The following RAET1E variants were observed in gnomAD, a reference collection of about 807,000 sequenced individuals.
RAET1E encodes NKG2D ligand 4.
Under a neutral mutation model 21.1 loss-of-function variants are expected in RAET1E, and 27 were observed. The observed-to-expected ratio is 1.28, with a 90% confidence interval of 0.94 to 1.76. The LOEUF (loss-of-function observed/expected upper bound fraction) is 1.76, where lower values mean the gene tolerates loss of function less well. Among genes scored for constraint, RAET1E ranks in the 40% most tolerant of loss-of-function variants. The pLI, the probability that RAET1E is intolerant of heterozygous loss-of-function variation, is 0.00. For missense variants in RAET1E, 310 were observed against 311.3 expected, an observed-to-expected ratio of 1.00 and a Z score of 0.03; for synonymous variants, 113 against 115.0, an observed-to-expected ratio of 0.98 and a Z score of 0.11.
rs1013507361 is a variant in RAET1E at position 149,886,646 on chromosome 6, T to C, written c.*1852A>G. On this transcript the variant is annotated 3_prime_UTR_variant, in exon 6 of 6. Transcript: ENST00000357183. ...CTGACCTCAAATGATCCACCCAACT[T>C]GGCCTCCCAAAGTGCTGGGATTACA... Among the ~76,000 whole-genome samples, 1 of 152,196 alleles carries C rather than the reference T, an allele frequency of 6.6e-6. No homozygotes were observed. Among genetic ancestry groups the C allele is most frequent in the African/African-American group, 2.4e-5 (1 of 41,452 alleles).
intron 5 of RAET1E, 126 bp from the exon 6 acceptor site, chr6:149,888,793 C>T (rs1777741775): frequency 7.3e-7 from 1 of 1,363,668 alleles, no homozygotes; most frequent in Non-Finnish European, 9.7e-7. Context: ...TAATCACTGG[C>T]TCATGTGACA....
In RAET1E at chr6:149,890,022, ATGT is replaced by A. The variant is rs772668116; in HGVS notation, c.206_208del (p.Asn69del). The A allele has an allele frequency of 6.2e-7, 1 of 1,614,092 alleles. No homozygotes were observed. Among genetic ancestry groups the A allele is most frequent in the African/African-American group, 1.3e-5 (1 of 74,998 alleles). On this transcript the variant is annotated inframe_deletion, in exon 4 of 6. Transcript: ENST00000357183. The stretch of plus-strand genomic sequence containing the variant: ...CCCCAGGAGGCCCAGAGGTTTGACC[ATGT>A]TGTTGTCACTGTTGTACTGAAGGAA...
rs574439392 is a variant in RAET1E, at chr6:149,889,561, A to G, written c.409T>C (p.Ser137Pro). ...TCTCCATTGGTGGCGAACTGCCAGG[A>G]TGCACCAGTGCACCGTTCTGCTTCA... ...QREAERCTGASWQFATNGEKS... is the reference protein window; with the variant it reads ...QREAERCTGAPWQFATNGEKS... The change falls in exon 5 of 6, where the codon TCC (serine) becomes CCC (proline). Residue 137 changes from serine to proline, a missense_variant. By Grantham distance (74) the Ser-to-Pro change is moderately conservative. Transcript: ENST00000357183. The G allele has an allele frequency of 1.3e-5, 21 of 1,614,046 alleles. No individual in the cohort carries two copies. Among genetic ancestry groups the G allele is most frequent in the South Asian group, 2.2e-5 (2 of 91,092 alleles).
At chr6:149,896,120 G>A (rs755724531) in intron 1 of RAET1E, 88 bp from the exon 2 acceptor site, 1 of 152,212 alleles carries the variant, frequency 6.6e-6, no homozygotes, top group Non-Finnish European at 1.5e-5. Context: ...ACCCATATCC[G>A]TTCCACATCT....
intron 2 of RAET1E, among the ~76,000 whole-genome samples, chr6:149,891,484 T>TTGTGTGTGTGTG (rs58899076): frequency 4.7e-4 from 71 of 149,914 alleles, no homozygotes; most frequent in African/African-American, 1.7e-3. Flanking sequence ...CAGATGGGTT[T>TTGTGTGTGTGTG]TGTGTGTGTG....
chr6:149,894,852 G>T (rs181988970), intron 2 of RAET1E, among the ~76,000 whole-genome samples: 40 of 152,210 alleles, frequency 2.6e-4, no homozygotes, highest in South Asian at 1.0e-3. Context: ...AGGAGGAGAG[G>T]CGTTCTTGTT....
rs1777627550 is a variant in RAET1E, at chr6:149,886,740, CCT to C, written c.*1756_*1757del. Among the ~76,000 whole-genome samples, 1 of 152,164 alleles carries C rather than the reference CCT, an allele frequency of 6.6e-6. No individual in the cohort carries two copies. The highest frequency in any genetic ancestry group is 6.5e-5 in the Admixed American group (1 of 15,274). On this transcript the variant is annotated 3_prime_UTR_variant, in exon 6 of 6. Transcript: ENST00000357183. ...AAAATGGCCCTTCTTGGTGAATGTC[CCT>C]GTGTATTTGAAAAGACACTCCCTGT...
chr6:149,897,808 A>G (rs1162863066), intron 1 of RAET1E, among the ~76,000 whole-genome samples: 2 of 151,956 alleles, frequency 1.3e-5, no homozygotes, highest in African/African-American at 2.4e-5. Flanking sequence ...CTTGGTGTGG[A>G]GGCAGAGGAC....
rs1310780014 is a variant in RAET1E at position 149,888,469 on chromosome 6, T to C, written c.*29A>G. On this transcript the variant is annotated 3_prime_UTR_variant, in exon 6 of 6. Coordinates refer to ENST00000357183, the MANE Select transcript of RAET1E (RefSeq NM_001394057.1). ...GGAGCGGGGGCTTGGATGAGACCCA[T>C]GATTCACCTCTCTTGAGTCCTTACC... is the stretch of plus-strand genomic sequence containing the variant. 3 of 1,604,926 alleles carry C rather than the reference T, an allele frequency of 1.9e-6. No homozygotes were observed. Among genetic ancestry groups the C allele is most frequent in the East Asian group, 4.5e-5 (2 of 44,658 alleles).
Position 149,885,843 on chromosome 6 carries a change from C to A in RAET1E, c.*2655G>T, listed in dbSNP as rs1056613563. Among the ~76,000 whole-genome samples, 1 of 152,212 alleles carries A rather than the reference C, an allele frequency of 6.6e-6. No individual in the cohort carries two copies. Among genetic ancestry groups the A allele is most frequent in the South Asian group, 2.1e-4 (1 of 4,826 alleles). On this transcript the variant is annotated 3_prime_UTR_variant, in exon 6 of 6. Transcript: ENST00000357183. Reference sequence around the variant, plus strand: ...CTATATAGCAGCCATGATAGATTCTCAGGTTACAAAAGTAATGTCCTCAAG... The same window carrying A: ...CTATATAGCAGCCATGATAGATTCTAAGGTTACAAAAGTAATGTCCTCAAG...
In RAET1E at chr6:149,887,426, C is replaced by T. The variant is rs987894734; in HGVS notation, c.*1072G>A. 1.3e-5 allele frequency among the ~76,000 whole-genome samples: 2 copies of T among 152,140 alleles called. No homozygotes were observed. Among genetic ancestry groups the T allele is most frequent in the Non-Finnish European group, 2.9e-5 (2 of 68,022 alleles). On this transcript the variant is annotated 3_prime_UTR_variant, in exon 6 of 6. Transcript: ENST00000357183. ...TCCCTGGGTTCCTGCTGCCATCACA[C>T]CACCCACCACACGAGCCCCTTCTGG... is the stretch of plus-strand genomic sequence containing the variant.
Position 149,884,785 on chromosome 6 carries a change from G to T in RAET1E, c.*3713C>A, listed in dbSNP as rs928911493. Among the ~76,000 whole-genome samples the T allele has an allele frequency of 1.3e-5, 2 of 152,246 alleles. No individual in the cohort carries two copies. The highest frequency in any genetic ancestry group is 3.9e-4 in the East Asian group (2 of 5,194). ...GGGAAGGCCCACAGCGGGGGCAAGA[G>T]TCTTCCAGCTGTGGGCAAGGGTATC... On this transcript the variant is annotated 3_prime_UTR_variant, in exon 6 of 6. Coordinates refer to ENST00000357183, the MANE Select transcript of RAET1E (RefSeq NM_001394057.1).
chr6:149,884,780 C>T lies in RAET1E; in HGVS notation c.*3718G>A, dbSNP rs530081288. Among the ~76,000 whole-genome samples the T allele has an allele frequency of 6.6e-6, 1 of 152,176 alleles. No individual in the cohort carries two copies. Among genetic ancestry groups the T allele is most frequent in the Non-Finnish European group, 1.5e-5 (1 of 68,034 alleles). On this transcript the variant is annotated 3_prime_UTR_variant, in exon 6 of 6. Coordinates refer to ENST00000357183, the MANE Select transcript of RAET1E (RefSeq NM_001394057.1). ...ACAGTGGGAAGGCCCACAGCGGGGG[C>T]AAGAGTCTTCCAGCTGTGGGCAAGG... is the stretch of plus-strand genomic sequence containing the variant.
At chr6:149,891,677 G>C (rs935526610) in intron 2 of RAET1E, among the ~76,000 whole-genome samples, 1 of 152,014 alleles carries the variant, frequency 6.6e-6, no homozygotes, top group Non-Finnish European at 1.5e-5. Flanking sequence ...ACTTGAGGCC[G>C]GGAGTTCAAG....
intron 1 of RAET1E, among the ~76,000 whole-genome samples, chr6:149,897,564 G>A (rs1203048095): frequency 6.6e-6 from 1 of 152,124 alleles, no homozygotes; most frequent in Non-Finnish European, 1.5e-5. Flanking sequence ...TGCCCCAGCT[G>A]CCTTGAGGTC....
In RAET1E at chr6:149,887,067, C is replaced by G. The variant is rs942340738; in HGVS notation, c.*1431G>C. Among the ~76,000 whole-genome samples, 1 of 152,170 alleles carries G rather than the reference C, an allele frequency of 6.6e-6. No homozygotes were observed. The highest frequency in any genetic ancestry group is 1.5e-5 in the Non-Finnish European group (1 of 68,030). On this transcript the variant is annotated 3_prime_UTR_variant, in exon 6 of 6. Transcript: ENST00000357183. Reference sequence around the variant, plus strand: ...CTCAGCTGTGGGCACTGACCTCCACCGGCGCTTGATCCCTGCCTGCTCCTG... The same window carrying G: ...CTCAGCTGTGGGCACTGACCTCCACGGGCGCTTGATCCCTGCCTGCTCCTG...
intron 1 of RAET1E, among the ~76,000 whole-genome samples, chr6:149,897,796 T>C (rs1438803190): frequency 2.6e-5 from 4 of 151,896 alleles, no homozygotes; most frequent in African/African-American, 9.7e-5. Flanking sequence ...GATCCCTGAG[T>C]GCTTGGTGTG....
In RAET1E at chr6:149,884,373, C is replaced by T. The variant is rs1028499651; in HGVS notation, c.*4125G>A. 5 of 976,798 alleles carry T rather than the reference C, an allele frequency of 5.1e-6. No homozygotes were observed. Among genetic ancestry groups the T allele is most frequent in the South Asian group, 1.4e-5 (1 of 71,898 alleles). The allele number at this position is 976,798 out of a possible 1,614,324, so 60.5% of individuals were successfully genotyped here. On this transcript the variant is annotated 3_prime_UTR_variant, in exon 6 of 6. Coordinates refer to ENST00000357183, the MANE Select transcript of RAET1E (RefSeq NM_001394057.1). ...GACTGGAATGCAGAGGCGCGATCTCCGCTCATTGCAGGCTCCGCCTCCACT... is the reference window on the plus strand; with the variant it reads ...GACTGGAATGCAGAGGCGCGATCTCTGCTCATTGCAGGCTCCGCCTCCACT...
Position 149,884,444 on chromosome 6 carries a change from C to G in RAET1E, c.*4054G>C, listed in dbSNP as rs924347288. The G allele has an allele frequency of 6.5e-7, 1 of 1,529,866 alleles. No homozygotes were observed. The highest frequency in any genetic ancestry group is 8.8e-7 in the Non-Finnish European group (1 of 1,141,556). 94.8% of individuals were successfully genotyped at this position (1,529,866 alleles called of 1,614,324 possible). Reference sequence around the variant, plus strand: ...AGTGGGAGCCAAGGCTGTCAGCGATCGAGGACCACAGGTGAACAACTCTGC... The same window carrying G: ...AGTGGGAGCCAAGGCTGTCAGCGATGGAGGACCACAGGTGAACAACTCTGC... On this transcript the variant is annotated 3_prime_UTR_variant, in exon 6 of 6. Transcript: ENST00000357183.
Sources: gnomAD v4.1 joint callset for allele counts (sites outside exome capture counted in the v4.1 genomes callset) on GRCh38, gnomAD v4.1.1 for gene constraint, MANE v1.5 for transcripts, NCBI Gene and HGNC (gene_info 2026-07-23, HGNC 2026-07-21) for gene names.